Variants in PCSK7 observed in about 807,000 individuals in gnomAD.
PCSK7 encodes lymphoma proprotein convertase.
A neutral mutation model predicts 73.3 loss-of-function variants in PCSK7; 38 were observed. That is an observed-to-expected ratio of 0.52 (90% CI 0.40 to 0.68). The LOEUF (loss-of-function observed/expected upper bound fraction) is 0.68, where lower values mean the gene tolerates loss of function less well. Ranked by LOEUF, PCSK7 falls within the 30% of genes least tolerant of loss-of-function variation. The probability of loss-of-function intolerance (pLI) is 0.00; values close to 1 mark genes in which losing one functional copy is unlikely to be tolerated. For missense variants in PCSK7, 692 were observed against 991.5 expected, an observed-to-expected ratio of 0.70 and a Z score of 4.06; for synonymous variants, 296 against 383.8, an observed-to-expected ratio of 0.77 and a Z score of 2.68.
intron 7 of PCSK7, among the ~76,000 whole-genome samples, 157 bp downstream of exon 7, chr11:117,224,544 G>A (rs910944503): frequency 2.6e-5 from 4 of 152,150 alleles, no homozygotes; most frequent in Admixed American, 6.5e-5. Context: ...AGGAACAAAC[G>A]TCCCCTAGGC....
At position 117,228,299 on chromosome 11, in the gene PCSK7, G is replaced by A. The variant is rs373433953; in HGVS notation, c.520C>T (p.Arg174Cys). 2.1e-5 allele frequency: 34 copies of A among 1,613,802 alleles called. No homozygotes were observed. The highest frequency in any genetic ancestry group is 2.8e-5 in the Non-Finnish European group (33 of 1,179,778). Residue 174 changes from arginine (R) to cysteine (C), a missense_variant, in exon 4 of 17, where the codon CGC becomes TGC. Arg to Cys is a radical substitution (Grantham distance 180). This residue lies in a region of PCSK7 where 574 missense variants were observed against 689.8 expected (regional missense o/e 0.83). Transcript: ENST00000320934. Reference protein sequence around the residue: ...RDINVTGVWERNVTGRGVTVV... With the variant: ...RDINVTGVWECNVTGRGVTVV... ...GTCACCCCTCGCCCAGTCACATTGC[G>A]TTCCCACACACCCGTCACGTTGATG...
chr11:117,229,350 A>G, intron 3 of PCSK7, 27 bp downstream of exon 3: 1 of 1,561,658 alleles, frequency 6.4e-7, no homozygotes, highest in Non-Finnish European at 8.7e-7. Context: ...ACCCACCTGA[A>G]ACTGCAAACT....
At chr11:117,225,737 C>G in intron 6 of PCSK7, 194 bp downstream of exon 6, 1 of 610,038 alleles carries the variant, frequency 1.6e-6, no homozygotes, top group Non-Finnish European at 2.9e-6. Flanking sequence ...AATCTGATTA[C>G]GGGGGTGACG....
rs776670739 is a variant in PCSK7 at position 117,204,429 on chromosome 11, C to G, written c.*1568G>C. 6.2e-7 allele frequency: 1 copy of G among 1,607,178 alleles called. No homozygotes were observed. The highest frequency in any genetic ancestry group is 2.2e-5 in the East Asian group (1 of 44,598). Reference sequence around the variant, plus strand: ...GGCTGCAGCCATCCCGCTTAGCCTGCCTCACCCACACCCGTGTGGTACCTT... The same window carrying G: ...GGCTGCAGCCATCCCGCTTAGCCTGGCTCACCCACACCCGTGTGGTACCTT... On this transcript the variant is annotated 3_prime_UTR_variant, in exon 17 of 17. Transcript: ENST00000320934.
In PCSK7 at chr11:117,224,088, G is replaced by C. The variant is rs765567568; in HGVS notation, c.1044C>G (p.Thr348=). 16 of 1,614,172 alleles carry C rather than the reference G, an allele frequency of 9.9e-6. No homozygotes were observed. Among genetic ancestry groups the C allele is most frequent in the Non-Finnish European group, 1.4e-5 (16 of 1,179,994 alleles). The change falls in exon 8 of 17, where the codon ACC becomes ACG. Residue 348 remains threonine, a synonymous_variant. Transcript: ENST00000320934. ...NYDGYANSIY[T]VTIGAVDEEG... Reference sequence around the variant, plus strand: ...ACATTGGGTGACTACCTATGGTGACGGTGTAGATGGAGTTGGCGTAGCCAT... The same window carrying C: ...ACATTGGGTGACTACCTATGGTGACCGTGTAGATGGAGTTGGCGTAGCCAT...
chr11:117,215,940 T>G (rs2031967227), intron 12 of PCSK7: 1 of 152,058 alleles, frequency 6.6e-6, no homozygotes, highest in Admixed American at 6.6e-5. Flanking sequence ...ACTGCAGCCT[T>G]GGCATCCTGG....
intron 7 of PCSK7, among the ~76,000 whole-genome samples, chr11:117,224,435 C>T (rs2032330694): frequency 6.6e-6 from 1 of 152,156 alleles, no homozygotes; most frequent in South Asian, 2.1e-4. Context: ...GACTGATGGA[C>T]ACCCTCTGCT....
intron 6 of PCSK7, chr11:117,225,694 T>C: frequency 1.8e-6 from 1 of 555,242 alleles, no homozygotes; most frequent in South Asian, 2.4e-5. Context: ...AGAAAACAAA[T>C]AAATGTGCAC....
Position 117,219,591 on chromosome 11 carries a change from C to T in PCSK7, c.1323G>A (p.Arg441=). 1 of 1,612,396 alleles carries T rather than the reference C, an allele frequency of 6.2e-7. No homozygotes were observed. The highest frequency in any genetic ancestry group is 8.5e-7 in the Non-Finnish European group (1 of 1,179,460). Residue 441 remains arginine, a splice_region_variant and synonymous_variant, in exon 10 of 17, where the codon CGG becomes CGA. Transcript: ENST00000320934. The stretch of plus-strand genomic sequence containing the variant: ...ACTTGTCTACCTGCTGGTATCTCAC[C>T]CGGGTGGCTGTGAAGACAATGATGT... ...VQHIIVFTAT[R]YEDRRAEWVT...
At chr11:117,208,855 CT>C in intron 13 of PCSK7, 41 bp downstream of exon 13, 1 of 1,583,282 alleles carries the variant, frequency 6.3e-7, no homozygotes, top group East Asian at 2.3e-5. Context: ...TGGAAAGGCC[CT>C]TGCTGAAAAG....
rs1431938264 is a variant in PCSK7 at position 117,230,144 on chromosome 11, C to A, written c.-13+205G>T. ...ATCCAGCAGGAGGTCCAGTTGCTCACAGGCACTGCGAGCAACCCCTGTTGC... is the reference window on the plus strand; with the variant it reads ...ATCCAGCAGGAGGTCCAGTTGCTCAAAGGCACTGCGAGCAACCCCTGTTGC... On this transcript the variant is annotated intron_variant, in intron 2 of 16. Transcript: ENST00000320934. 9 of 359,964 alleles carry A rather than the reference C, an allele frequency of 2.5e-5. No homozygotes were observed. The South Asian group carries it at 5.4e-4, about 22-fold the overall frequency. The allele number at this position is 359,964 out of a possible 1,614,324, so 22.3% of individuals were successfully genotyped here. A position where few individuals can be genotyped will look rare whatever the true frequency, so the allele number is the denominator to read the frequency against.
intron 4 of PCSK7, among the ~76,000 whole-genome samples, chr11:117,227,983 A>G (rs1447651511): frequency 1.3e-5 from 2 of 152,006 alleles, no homozygotes; most frequent in East Asian, 3.9e-4. Flanking sequence ...TGCAGGGGCC[A>G]CTCCTTACTC....
intron 1 of PCSK7, among the ~76,000 whole-genome samples, chr11:117,230,955 A>G (rs1321073094): frequency 6.6e-6 from 1 of 152,018 alleles, no homozygotes; most frequent in Non-Finnish European, 1.5e-5. Flanking sequence ...CTACTCCTGT[A>G]CTGAGCTCAG....
intron 3 of PCSK7, 54 bp from the exon 4 acceptor site, chr11:117,228,404 G>C (rs1466008469): frequency 1.8e-5 from 28 of 1,559,210 alleles, no homozygotes; most frequent in Non-Finnish European, 2.4e-5. Flanking sequence ...CCCAGAGGGA[G>C]ATGAAGTTAT....
chr11:117,227,333 T>C lies in PCSK7; in HGVS notation c.604-11A>G. The C allele has an allele frequency of 1.9e-6, 3 of 1,611,052 alleles. No homozygotes were observed. The East Asian group carries it at 6.7e-5, about 36-fold the overall frequency. ...GCTACCCTCAGGGCTCTGAAATATT[T>C]TGGAGGTGACATGTGGTCATTCACT... On this transcript the variant is annotated splice_polypyrimidine_tract_variant and intron_variant, in intron 4 of 16. Transcript: ENST00000320934.
intron 9 of PCSK7, chr11:117,222,334 C>T (rs1047008600): frequency 3.3e-5 from 5 of 152,226 alleles, no homozygotes; most frequent in African/African-American, 1.2e-4. Flanking sequence ...TGACCCTGCT[C>T]GAATTTCATT....
chr11:117,220,779 G>C (rs1367781246), intron 9 of PCSK7: 3 of 152,340 alleles, frequency 2.0e-5, no homozygotes, highest in African/African-American at 7.2e-5. Flanking sequence ...GTGTGTTCCA[G>C]CAAGAGAGGA....
chr11:117,218,587 G>T lies in PCSK7; in HGVS notation c.1432-19C>A. 1 of 1,383,806 alleles carries T rather than the reference G, an allele frequency of 7.2e-7. No individual in the cohort carries two copies. The highest frequency in any genetic ancestry group is 1.0e-6 in the Non-Finnish European group (1 of 988,144). 85.7% of individuals were successfully genotyped at this position (1,383,806 alleles called of 1,614,324 possible). A position where few individuals can be genotyped will look rare whatever the true frequency, so the allele number is the denominator to read the frequency against. ...TCCAGATCTATGAAAGGAAAGGAGG[G>T]GATGGCAAATCAACAAACAAGAATG... On this transcript the variant is annotated intron_variant, in intron 11 of 16. Transcript: ENST00000320934. The surrounding 1 kb of genome is among the most constrained non-coding windows in gnomAD (Gnocchi z 4.0).
chr11:117,229,422 G>A lies in PCSK7; in HGVS notation c.423C>T (p.Arg141=). 2 of 1,609,366 alleles carry A rather than the reference G, an allele frequency of 1.2e-6. No individual in the cohort carries two copies. The highest frequency in any genetic ancestry group is 1.7e-6 in the Non-Finnish European group (2 of 1,180,004). The part of the protein sequence containing the change: ...SEQRLLRRAK[R]SVHFNDPKYP... ...ACTTGGGGTCGTTGAAGTGGACGCT[G>A]CGCTTGGCCCGCCTTAGCAGCCTCT... Residue 141 remains arginine (R), a synonymous_variant, in exon 3 of 17, where the codon CGC becomes CGT. Coordinates refer to ENST00000320934, the MANE Select transcript of PCSK7 (RefSeq NM_004716.4).
Sources: gnomAD v4.1 joint callset for allele counts (sites outside exome capture counted in the v4.1 genomes callset) on GRCh38, gnomAD v4.1.1 for gene constraint, gnomAD v4.1.1 regional missense constraint, Gnocchi (gnomAD v3.1) non-coding constraint, MANE v1.5 for transcripts, NCBI Gene and HGNC (gene_info 2026-07-23, HGNC 2026-07-21) for gene names.